Variants in PSME4 observed in about 807,000 individuals in gnomAD.
PSME4 encodes proteasome activator subunit 4.
PSME4 carries 89 observed loss-of-function variants against 253.9 expected under a neutral mutation model. That is an observed-to-expected ratio of 0.35 (90% CI 0.30 to 0.42). The LOEUF (loss-of-function observed/expected upper bound fraction) is 0.42, where lower values mean the gene tolerates loss of function less well. PSME4 is among the 10% of genes least tolerant of loss of function. PSME4 has a pLI of 1.00. For missense variants in PSME4, 2,014 were observed against 2,195.2 expected (o/e 0.92, Z 1.65); for synonymous variants, 851 against 759.2 (o/e 1.12, Z -1.99).
At chr2:53,866,503 T>C (rs1202564159) in intron 45 of PSME4, among the ~76,000 whole-genome samples, 1 of 152,178 alleles carries the variant, frequency 6.6e-6, no homozygotes, top group Admixed American at 6.5e-5. Flanking sequence ...TGACAGTACT[T>C]TACTTCCATT....
intron 3 of PSME4, among the ~76,000 whole-genome samples, chr2:53,946,061 CAT>C (rs1329553643): frequency 1.3e-5 from 2 of 152,154 alleles, no homozygotes; most frequent in Non-Finnish European, 2.9e-5. Context: ...ACATGGTAAA[CAT>C]AATCAATAAG....
chr2:53,946,794 G>A (rs1669731481), intron 3 of PSME4, among the ~76,000 whole-genome samples: 1 of 151,980 alleles, frequency 6.6e-6, no homozygotes, highest in African/African-American at 2.4e-5. Context: ...CACGCCTGTG[G>A]TCCCACCTTC....
intron 3 of PSME4, 60 bp downstream of exon 3, chr2:53,948,361 A>C (rs1669822549): frequency 1.0e-6 from 1 of 984,514 alleles, no homozygotes; most frequent in East Asian, 2.4e-5. Flanking sequence ...TTCAATCATG[A>C]TCACCCCCCT....
rs374631200 is a variant in PSME4 at position 53,899,356 on chromosome 2, G to A, written c.3422+525C>T. Among the ~76,000 whole-genome samples the A allele has an allele frequency of 1.9e-4, 29 of 151,994 alleles. No homozygotes were observed. In the Middle Eastern group the frequency reaches 0.01, roughly 53 times the overall value. ...GCTGGGATAACAGGCATAAGCCACCGTGCTCGGCCTTATTTTTAAGATGGT... is the reference window on the plus strand; with the variant it reads ...GCTGGGATAACAGGCATAAGCCACCATGCTCGGCCTTATTTTTAAGATGGT... On this transcript the variant is annotated intron_variant, in intron 29 of 46. Coordinates refer to ENST00000404125, the MANE Select transcript of PSME4 (RefSeq NM_014614.3).
intron 40 of PSME4, among the ~76,000 whole-genome samples, chr2:53,886,743 T>C (rs1008466138): frequency 6.6e-6 from 1 of 152,130 alleles, no homozygotes; most frequent in Non-Finnish European, 1.5e-5. Flanking sequence ...AACAGGTACT[T>C]ATACAAACAT....
chr2:53,936,817 C>A lies in PSME4; in HGVS notation c.706G>T (p.Asp236Tyr), dbSNP rs755345639. 6.3e-7 allele frequency: 1 copy of A among 1,594,774 alleles called. No homozygotes were observed. The highest frequency in any genetic ancestry group is 1.4e-5 in the African/African-American group (1 of 73,918). The stretch of plus-strand genomic sequence containing the variant: ...GAAACCCAAAGGCCAATTAATTCAT[C>A]AAACCAAAGTCTAAAGAAGAAAAAT... The part of the protein sequence containing the change: ...LHHKGFKLWF[D>Y]ELIGLWVSVQ... Residue 236 changes from aspartate to tyrosine, a missense_variant, in exon 6 of 47, where the codon GAT becomes TAT. Around this residue, in one of 4 missense-constraint regions of PSME4, gnomAD observed 615 missense variants for 594.4 expected, o/e 1.03. Coordinates refer to ENST00000404125, the MANE Select transcript of PSME4 (RefSeq NM_014614.3).
At chr2:53,872,025 G>T (rs562831425) in intron 43 of PSME4, among the ~76,000 whole-genome samples, 12 of 152,186 alleles carry the variant, frequency 7.9e-5, no homozygotes, top group South Asian at 4.2e-4. Context: ...CAAAAAAAGG[G>T]GGGGCGGGGA....
Position 53,932,745 on chromosome 2 carries a change from G to C in PSME4, c.973C>G (p.Leu325Val). ...ITAMMGGPSK[L>V]VQKHLAGLFN... ...AAACCAGCTAAGTGTTTTTGCACTA[G>C]CTTACTTGGTCCACCCTGTCCAGAT... is the stretch of plus-strand genomic sequence containing the variant. The change falls in exon 9 of 47, where the codon CTA (leucine) becomes GTA (valine). Residue 325 changes from leucine (L) to valine (V), a missense_variant. This residue lies in a region of PSME4 where 615 missense variants were observed against 594.4 expected (regional missense o/e 1.03). Transcript: ENST00000404125. 1 of 1,613,404 alleles carries C rather than the reference G, an allele frequency of 6.2e-7. No homozygotes were observed. The highest frequency in any genetic ancestry group is 8.5e-7 in the Non-Finnish European group (1 of 1,179,396).
chr2:53,914,094 T>C (rs1667951440), intron 20 of PSME4, among the ~76,000 whole-genome samples: 1 of 152,160 alleles, frequency 6.6e-6, no homozygotes, highest in African/African-American at 2.4e-5. Flanking sequence ...TAACTAAAAA[T>C]GACGTAATAA....
intron 40 of PSME4, among the ~76,000 whole-genome samples, chr2:53,886,696 T>C (rs1188495225): frequency 6.6e-6 from 1 of 152,158 alleles, no homozygotes; most frequent in Non-Finnish European, 1.5e-5. Context: ...ATTCCACTTC[T>C]AGGTACATAC....
chr2:53,923,438 GT>G lies in PSME4; in HGVS notation c.1810-20del. On this transcript the variant is annotated intron_variant, in intron 14 of 46. Transcript: ENST00000404125. Reference sequence around the variant, plus strand: ...GGGCCACCTGTTAAGATATGAAAATGTTTAATGAGCATTTTTTAAGAAAATT... The same window carrying G: ...GGGCCACCTGTTAAGATATGAAAATGTTAATGAGCATTTTTTAAGAAAATT... The G allele has an allele frequency of 6.4e-7, 1 of 1,563,316 alleles. No homozygotes were observed. Among genetic ancestry groups the G allele is most frequent in the East Asian group, 2.3e-5 (1 of 43,962 alleles).
At position 53,951,086 on chromosome 2, in the gene PSME4, CTT is replaced by C. The variant is rs199916271; in HGVS notation, c.243-1805_243-1804del. 2.9e-3 allele frequency among the ~76,000 whole-genome samples: 444 copies of C among 151,928 alleles called. 6 individuals carry two copies. Among genetic ancestry groups the C allele is most frequent in the East Asian group, 0.014 (74 of 5,174 alleles). Reference sequence around the variant, plus strand: ...ATCAAATAAAACTTACATTTAACTTCTTTTTTTTCCCCCCAAGACACAGTCTT... The same window carrying C: ...ATCAAATAAAACTTACATTTAACTTCTTTTTTCCCCCCAAGACACAGTCTT... On this transcript the variant is annotated intron_variant, in intron 1 of 46. Coordinates refer to ENST00000404125, the MANE Select transcript of PSME4 (RefSeq NM_014614.3).
chr2:53,894,019 T>C (rs1048967529), intron 34 of PSME4, among the ~76,000 whole-genome samples: 10 of 152,166 alleles, frequency 6.6e-5, no homozygotes, highest in African/African-American at 2.4e-4. Flanking sequence ...CAAGTTTGAA[T>C]CCTATTTCTC....
intron 1 of PSME4, among the ~76,000 whole-genome samples, chr2:53,967,679 A>AAAAAC (rs1670808609): frequency 3.6e-5 from 5 of 140,018 alleles, no homozygotes; most frequent in African/African-American, 1.4e-4. Context: ...AAAAAAAAAA[A>AAAAAC]GTCAAAAAGA....
At position 53,948,404 on chromosome 2, in the gene PSME4, T is replaced by C; in HGVS notation, c.500+17A>G. On this transcript the variant is annotated intron_variant, in intron 3 of 46. Coordinates refer to ENST00000404125, the MANE Select transcript of PSME4 (RefSeq NM_014614.3). ...CCCAAGTACTCCCAAATAAGTGCTT[T>C]AAATGGAAATACTTACTTAGGAAAC... The C allele has an allele frequency of 1.3e-6, 2 of 1,528,418 alleles. No homozygotes were observed. The highest frequency in any genetic ancestry group is 1.1e-5 in the South Asian group (1 of 88,916). 94.7% of individuals were successfully genotyped at this position (1,528,418 alleles called of 1,614,324 possible). A position where few individuals can be genotyped will look rare whatever the true frequency, so the allele number is the denominator to read the frequency against.
In PSME4 at chr2:53,931,968, C is replaced by T; in HGVS notation, c.1183G>A (p.Asp395Asn). The stretch of plus-strand genomic sequence containing the variant: ...GGCTGAATAATGCATTGTACAAAGT[C>T]TGTAACATCTTGATCAGTAAGCTTG... Reference protein sequence around the residue: ...SHKLTDQDVTDFVQCIIQPVL... With the variant: ...SHKLTDQDVTNFVQCIIQPVL... The change falls in exon 10 of 47, where the codon GAC (aspartate) becomes AAC (asparagine). Residue 395 changes from aspartate (D) to asparagine (N), a missense_variant. By Grantham distance (23) the Asp-to-Asn change is conservative. Transcript: ENST00000404125. 7.4e-6 allele frequency: 12 copies of T among 1,614,150 alleles called. No homozygotes were observed. The highest frequency in any genetic ancestry group is 1.0e-5 in the Non-Finnish European group (12 of 1,180,006).
intron 26 of PSME4, among the ~76,000 whole-genome samples, chr2:53,906,170 T>C (rs897495550): frequency 1.3e-5 from 2 of 152,200 alleles, no homozygotes; most frequent in African/African-American, 4.8e-5. Context: ...ATTCATGTGG[T>C]AGCAGCTTCC....
At chr2:53,950,369 C>A (rs2104477561) in intron 1 of PSME4, among the ~76,000 whole-genome samples, 1 of 151,868 alleles carries the variant, frequency 6.6e-6, no homozygotes, top group African/African-American at 2.4e-5. Context: ...TAAAACACTG[C>A]TCTCTTATTG....
At chr2:53,891,795 A>G (rs1455497679) in intron 36 of PSME4, among the ~76,000 whole-genome samples, 1 of 151,714 alleles carries the variant, frequency 6.6e-6, no homozygotes, top group Non-Finnish European at 1.5e-5. Flanking sequence ...CAGAGGTTGC[A>G]GTGAGCAATG....
Sources: allele counts gnomAD v4.1 joint callset (sites outside exome capture counted in the v4.1 genomes callset), GRCh38; gene constraint gnomAD v4.1.1; regional missense constraint gnomAD v4.1.1; transcripts MANE v1.5; gene names NCBI Gene and HGNC (gene_info 2026-07-23, HGNC 2026-07-21).